The following SPOCK3 variants were observed in gnomAD, a reference collection of about 807,000 sequenced individuals.
The protein encoded by SPOCK3 is testican-3.
SPOCK3 carries 30 observed loss-of-function variants against 56.6 expected under a neutral mutation model. The ratio of observed to expected loss-of-function variants is 0.53; its 90% confidence interval spans 0.40 to 0.72. The LOEUF is 0.72. SPOCK3 is among the 30% of genes least tolerant of loss of function. SPOCK3 has a pLI of 0.00. For synonymous variants in SPOCK3, 196 were observed against 183.3 expected, an observed-to-expected ratio of 1.07 and a Z score of -0.56; for missense variants, 527 against 530.0, an observed-to-expected ratio of 0.99 and a Z score of 0.06.
At chr4:166,936,731 C>T (rs1249774296) in intron 4 of SPOCK3, among the ~76,000 whole-genome samples, 1 of 151,898 alleles carries the variant, frequency 6.6e-6, no homozygotes, top group Non-Finnish European at 1.5e-5. Context: ...TTTCTTATTT[C>T]CTTATTTCTA....
intron 2 of SPOCK3, among the ~76,000 whole-genome samples, chr4:167,080,666 C>T (rs1288808182): frequency 6.6e-6 from 1 of 151,818 alleles, no homozygotes; most frequent in African/African-American, 2.4e-5. Flanking sequence ...GCAACAGAGG[C>T]CATGCAATTT....
intron 2 of SPOCK3, among the ~76,000 whole-genome samples, chr4:167,088,401 A>G (rs954734399): frequency 2.6e-5 from 4 of 151,282 alleles, no homozygotes; most frequent in African/African-American, 4.9e-5. Context: ...GTCTTGAATT[A>G]CTTTCTGTTT....
chr4:167,205,475 TATATATAATATATA>T (rs1170820347), intron 2 of SPOCK3, among the ~76,000 whole-genome samples: 2 of 52,120 alleles, frequency 3.8e-5, no homozygotes, highest in African/African-American at 8.3e-5. Flanking sequence ...GAATTTATTT[TATATATAATATATA>T]ATATATAATA....
intron 6 of SPOCK3, among the ~76,000 whole-genome samples, chr4:166,861,927 A>C (rs1417287838): frequency 6.6e-6 from 1 of 152,054 alleles, no homozygotes; most frequent in Non-Finnish European, 1.5e-5. Flanking sequence ...CTGTGGATCC[A>C]TTAGCTCCAC....
At chr4:166,831,720 G>A (rs1193760392) in intron 6 of SPOCK3, among the ~76,000 whole-genome samples, 4 of 131,178 alleles carry the variant, frequency 3.0e-5, no homozygotes, top group East Asian at 2.2e-4. Flanking sequence ...TTTTTTTTTC[G>A]AAAACATCTT....
intron 6 of SPOCK3, among the ~76,000 whole-genome samples, chr4:166,866,169 A>G (rs1449678133): frequency 2.0e-5 from 3 of 152,126 alleles, no homozygotes; most frequent in Non-Finnish European, 4.4e-5. Context: ...CTACAAAAAC[A>G]AGCAATGGGG....
Position 167,157,628 on chromosome 4 carries a change from A to C in SPOCK3, c.189+76357T>G, listed in dbSNP as rs552356565. ...AGGAAAGGTTTTTTTTAAAAAAAAA[A>C]ACACAATAAATCATTGTTTAAAACT... On this transcript the variant is annotated intron_variant, in intron 2 of 10. Transcript: ENST00000357545. Among the ~76,000 whole-genome samples the C allele has an allele frequency of 6.1e-4, 92 of 149,958 alleles. 1 individual carries two copies. The highest frequency in any genetic ancestry group is 1.2e-3 in the Non-Finnish European group (81 of 67,726).
intron 2 of SPOCK3, among the ~76,000 whole-genome samples, chr4:167,148,473 T>C (rs915191541): frequency 3.3e-5 from 5 of 152,138 alleles, no homozygotes; most frequent in African/African-American, 7.2e-5. Flanking sequence ...CTATAACTAA[T>C]TGGCTTCAAC....
intron 7 of SPOCK3, among the ~76,000 whole-genome samples, chr4:166,763,273 TCAAA>T (rs1021449032): frequency 9.9e-5 from 15 of 152,066 alleles, no homozygotes; most frequent in Admixed American, 7.2e-4. Flanking sequence ...TCTAAAGTAC[TCAAA>T]CAAAGAAAAA....
chr4:167,077,986 G>A (rs1757350692), intron 2 of SPOCK3, among the ~76,000 whole-genome samples: 1 of 151,804 alleles, frequency 6.6e-6, no homozygotes, highest in Non-Finnish European at 1.5e-5. Context: ...AGATGAAAAT[G>A]CATAAACATA....
chr4:167,220,919 A>G (rs1194581653), intron 2 of SPOCK3, among the ~76,000 whole-genome samples: 1 of 152,196 alleles, frequency 6.6e-6, no homozygotes, highest in East Asian at 1.9e-4. Flanking sequence ...AGATATACTG[A>G]TCAAATTATA....
At chr4:166,866,887 T>A (rs1731905493) in intron 6 of SPOCK3, among the ~76,000 whole-genome samples, 1 of 152,096 alleles carries the variant, frequency 6.6e-6, no homozygotes, top group Non-Finnish European at 1.5e-5. Flanking sequence ...TATTTCTAGG[T>A]TGAAATACTT....
rs567328445 is a variant in SPOCK3 at position 167,074,801 on chromosome 4, TC to T, written c.190-12265del. Among the ~76,000 whole-genome samples the T allele has an allele frequency of 4.1e-3, 625 of 151,972 alleles. 4 individuals are homozygous for T. The highest frequency in any genetic ancestry group is 6.4e-3 in the Non-Finnish European group (437 of 67,880). On this transcript the variant is annotated intron_variant, in intron 2 of 10. Coordinates refer to ENST00000357545, the MANE Select transcript of SPOCK3 (RefSeq NM_001040159.2). Reference sequence around the variant, plus strand: ...TTTTCTCATTTGACAAAACAGTACTTCAGTTTTTCTATTGTCAGGATTTTCA... The same window carrying T: ...TTTTCTCATTTGACAAAACAGTACTTAGTTTTTCTATTGTCAGGATTTTCA...
chr4:166,865,489 T>A (rs1731728824), intron 6 of SPOCK3, among the ~76,000 whole-genome samples: 1 of 152,172 alleles, frequency 6.6e-6, no homozygotes, highest in Admixed American at 6.6e-5. Context: ...GAAGTCAAAG[T>A]GTCTCTGTTT....
At chr4:166,740,650 A>AC (rs1734746540) in intron 9 of SPOCK3, among the ~76,000 whole-genome samples, 1 of 151,838 alleles carries the variant, frequency 6.6e-6, no homozygotes, top group Non-Finnish European at 1.5e-5. Context: ...TTCAGGCGCC[A>AC]GAGTAGCTGT....
At chr4:167,212,586 CA>C (rs1424317563) in intron 2 of SPOCK3, among the ~76,000 whole-genome samples, 1 of 152,112 alleles carries the variant, frequency 6.6e-6, no homozygotes, top group African/African-American at 2.4e-5. Context: ...AATCTGGACT[CA>C]AGAAAATTTT....
At chr4:166,972,816 CAAT>C (rs1043408616) in intron 4 of SPOCK3, among the ~76,000 whole-genome samples, 1 of 151,702 alleles carries the variant, frequency 6.6e-6, no homozygotes, top group African/African-American at 2.4e-5. Flanking sequence ...TTACTACTAA[CAAT>C]ATATAAAATA....
chr4:166,834,854 CTA>C (rs1746448484), intron 6 of SPOCK3, among the ~76,000 whole-genome samples: 1 of 151,910 alleles, frequency 6.6e-6, no homozygotes, highest in South Asian at 2.1e-4. Flanking sequence ...AAAAATTTGA[CTA>C]TGTTTTGATC....
intron 6 of SPOCK3, among the ~76,000 whole-genome samples, chr4:166,817,723 A>C (rs1181117472): frequency 6.6e-6 from 1 of 152,088 alleles, no homozygotes; most frequent in Non-Finnish European, 1.5e-5. Context: ...AAAGAAAACA[A>C]AGGTAACAAC....
Sources: allele counts gnomAD v4.1 joint callset (sites outside exome capture counted in the v4.1 genomes callset), GRCh38; gene constraint gnomAD v4.1.1; transcripts MANE v1.5; gene names NCBI Gene and HGNC (gene_info 2026-07-23, HGNC 2026-07-21).